Variants in MYO16 observed in about 807,000 individuals in gnomAD.
MYO16 encodes myosin XVI.
A neutral mutation model predicts 205.3 loss-of-function variants in MYO16; 94 were observed. That is an observed-to-expected ratio of 0.46 (90% CI 0.39 to 0.54). The LOEUF (loss-of-function observed/expected upper bound fraction) is 0.54. Ranked by LOEUF, MYO16 falls within the 20% of genes least tolerant of loss-of-function variation. The probability of loss-of-function intolerance (pLI) is 0.00; values close to 1 mark genes in which losing one functional copy is unlikely to be tolerated. For missense variants in MYO16, 2,315 were observed against 2,387.5 expected (o/e 0.97, Z 0.63); for synonymous variants, 988 against 954.0 (o/e 1.04, Z -0.66).
intron 10 of MYO16, 167 bp from the exon 11 acceptor site, chr13:108,855,276 G>GTTTT: frequency 6.3e-6 from 2 of 315,866 alleles, no homozygotes; most frequent in South Asian, 9.6e-5. Flanking sequence ...TGGCTTTAGA[G>GTTTT]TTTTTTTTTT....
chr13:109,123,204 T>C (rs1313885268), intron 29 of MYO16, among the ~76,000 whole-genome samples: 1 of 152,240 alleles, frequency 6.6e-6, no homozygotes, highest in Non-Finnish European at 1.5e-5. Flanking sequence ...TATCAATATT[T>C]AGCAACTGGT....
the MYO16 span, among the ~76,000 whole-genome samples, chr13:108,495,733 G>C: frequency 1.3e-5 from 2 of 150,786 alleles, no homozygotes; most frequent in African/African-American, 4.8e-5. Flanking sequence ...CGGGCAGAGA[G>C]AGCCGCCGCC....
chr13:108,851,000 A>G (rs867388632), intron 10 of MYO16, among the ~76,000 whole-genome samples: 19 of 152,170 alleles, frequency 1.2e-4, no homozygotes, highest in African/African-American at 4.6e-4. Flanking sequence ...AGTACTATTC[A>G]TGTTTTTGCT....
chr13:109,178,784 G>A (rs1033937241), intron 33 of MYO16, among the ~76,000 whole-genome samples: 3 of 152,088 alleles, frequency 2.0e-5, no homozygotes, highest in African/African-American at 7.2e-5. Context: ...AGTGGGTGGA[G>A]GTCAGGGATG....
At chr13:108,775,826 C>T (rs573961842) in intron 4 of MYO16, among the ~76,000 whole-genome samples, 51 of 152,240 alleles carry the variant, frequency 3.3e-4, no homozygotes, top group African/African-American at 1.2e-3. Flanking sequence ...ATTCATTCAA[C>T]GGGAAGAATT....
chr13:108,536,800 A>T, the MYO16 span, among the ~76,000 whole-genome samples: 8 of 152,148 alleles, frequency 5.3e-5, no homozygotes, highest in Non-Finnish European at 1.2e-4. Context: ...GTCTTAATAT[A>T]TTATTATAAA....
chr13:108,640,601 C>A (rs1248518322), intron 1 of MYO16, among the ~76,000 whole-genome samples: 1 of 152,146 alleles, frequency 6.6e-6, no homozygotes, highest in Non-Finnish European at 1.5e-5. Context: ...TCTTCCTCAT[C>A]TTTGGAAAGT....
chr13:108,809,009 C>A (rs1412400526), intron 7 of MYO16, among the ~76,000 whole-genome samples: 1 of 152,128 alleles, frequency 6.6e-6, no homozygotes, highest in Non-Finnish European at 1.5e-5. Flanking sequence ...CTGTCACATT[C>A]CAAAAACTTC....
At chr13:109,050,359 GC>G (rs1484261499) in intron 24 of MYO16, among the ~76,000 whole-genome samples, 1 of 151,636 alleles carries the variant, frequency 6.6e-6, no homozygotes, top group African/African-American at 2.4e-5. Flanking sequence ...TGAATTTTTG[GC>G]CAGGAGTCCC....
At chr13:108,700,864 C>T (rs183770237) in intron 2 of MYO16, among the ~76,000 whole-genome samples, 90 of 152,184 alleles carry the variant, frequency 5.9e-4, no homozygotes, top group Non-Finnish European at 1.5e-4. Flanking sequence ...TGTGGGTATG[C>T]TCATAAGATA....
chr13:109,112,164 G>C (rs1369199784), intron 28 of MYO16, among the ~76,000 whole-genome samples: 2 of 152,122 alleles, frequency 1.3e-5, no homozygotes, highest in Admixed American at 1.3e-4. Flanking sequence ...ATAGTAAATA[G>C]CATCTCTTTT....
intron 31 of MYO16, among the ~76,000 whole-genome samples, chr13:109,128,397 C>T (rs560341206): frequency 9.9e-4 from 150 of 152,262 alleles, no homozygotes; most frequent in Middle Eastern, 3.4e-3. Flanking sequence ...CTAAATGAAA[C>T]GGCTGGGTAG....
chr13:108,817,396 A>AT (rs368061267), intron 7 of MYO16, among the ~76,000 whole-genome samples: 36,092 of 152,126 alleles, frequency 0.24, 5,046 homozygotes, highest in East Asian at 0.66. Context: ...TCTCAAGAAT[A>AT]TTATATTGGG....
intron 2 of MYO16, among the ~76,000 whole-genome samples, chr13:108,688,078 A>G (rs942696144): frequency 2.4e-4 from 36 of 152,320 alleles, no homozygotes; most frequent in Middle Eastern, 3.4e-3. Flanking sequence ...TATTCTTCTT[A>G]TTGTGACTTA....
At chr13:108,911,765 G>A (rs76785606) in intron 16 of MYO16, among the ~76,000 whole-genome samples, 5,198 of 152,248 alleles carry the variant, frequency 0.034, 262 homozygotes, top group East Asian at 0.17. Context: ...ATGGTAGTGG[G>A]GAGGTGGTGT....
intron 20 of MYO16, among the ~76,000 whole-genome samples, chr13:108,971,411 ATATCTGTC>A (rs1884007471): frequency 6.7e-6 from 1 of 149,598 alleles, no homozygotes; most frequent in Admixed American, 6.7e-5. Context: ...TATATTATCT[ATATCTGTC>A]TATCTATCTA....
chr13:108,915,602 T>C (rs1396804663), intron 16 of MYO16, among the ~76,000 whole-genome samples: 1 of 152,162 alleles, frequency 6.6e-6, no homozygotes, highest in Non-Finnish European at 1.5e-5. Context: ...TTTTGGGAAT[T>C]GAGATTTAAT....
chr13:108,864,090 A>G (rs912813325), intron 11 of MYO16, among the ~76,000 whole-genome samples: 4 of 151,990 alleles, frequency 2.6e-5, no homozygotes, highest in Non-Finnish European at 5.9e-5. Flanking sequence ...TGCTGGGGTA[A>G]ATTGTACATT....
intron 7 of MYO16, among the ~76,000 whole-genome samples, chr13:108,810,949 G>A (rs148840489): frequency 6.6e-4 from 101 of 152,242 alleles, no homozygotes; most frequent in Admixed American, 2.3e-3. Flanking sequence ...AGAGATGCTT[G>A]TTCTTTCAAA....
Sources: allele counts gnomAD v4.1 joint callset (sites outside exome capture counted in the v4.1 genomes callset), GRCh38; gene constraint gnomAD v4.1.1; transcripts MANE v1.5; gene names NCBI Gene and HGNC (gene_info 2026-07-23, HGNC 2026-07-21).